Variants in SPATA9 observed in about 807,000 individuals in gnomAD.
SPATA9 encodes spermatogenesis-associated protein 9.
In SPATA9, 27 loss-of-function variants were observed where a neutral mutation model predicts 25.5. The ratio of observed to expected loss-of-function variants is 1.06; its 90% CI spans 0.78 to 1.46. The LOEUF (loss-of-function observed/expected upper bound fraction) is 1.46, where lower values mean the gene tolerates loss of function less well. SPATA9 is among the 40% of genes most tolerant of loss of function. SPATA9 has a pLI of 0.00. For missense variants in SPATA9, 282 were observed against 297.5 expected (o/e 0.95, Z 0.38); for synonymous variants, 102 against 105.7 (o/e 0.97, Z 0.21).
the SPATA9 span, among the ~76,000 whole-genome samples, chr5:95,722,281 T>G: frequency 1.3e-5 from 2 of 152,014 alleles, no homozygotes. Flanking sequence ...CTGAACAAAA[T>G]CTATTTTTTA....
the SPATA9 span, among the ~76,000 whole-genome samples, chr5:95,724,578 C>T: frequency 6.6e-6 from 1 of 152,160 alleles, no homozygotes; most frequent in East Asian, 1.9e-4. Context: ...CCCAGCTCCT[C>T]TACTCCCTAC....
chr5:95,656,176 G>T (rs538142896), downstream of SPATA9: 1 of 1,614,034 alleles, frequency 6.2e-7, no homozygotes, highest in South Asian at 1.1e-5. Flanking sequence ...TGCTCCAAAG[G>T]AATAAAGCAA....
chr5:95,712,813 C>T, the SPATA9 span, among the ~76,000 whole-genome samples: 1 of 152,192 alleles, frequency 6.6e-6, no homozygotes, highest in Non-Finnish European at 1.5e-5. Context: ...TTTTAAGCCC[C>T]TAAACTTTAG....
chr5:95,700,888 A>G (rs1253016327), upstream of SPATA9, among the ~76,000 whole-genome samples: 1 of 152,126 alleles, frequency 6.6e-6, no homozygotes, highest in Non-Finnish European at 1.5e-5. Context: ...GATTCATATA[A>G]TTTTCATCTT....
At chr5:95,700,722 C>A (rs1301992644), upstream of SPATA9, among the ~76,000 whole-genome samples, 1 of 152,094 alleles carries the variant, frequency 6.6e-6, no homozygotes, top group East Asian at 1.9e-4. Context: ...GCACTGTGCC[C>A]GGCCCCAATA....
chr5:95,716,328 C>T, the SPATA9 span, among the ~76,000 whole-genome samples: 1 of 152,258 alleles, frequency 6.6e-6, no homozygotes. Flanking sequence ...TGCCCAATGC[C>T]ATGGGAGCCC....
At chr5:95,712,486 C>T in the SPATA9 span, among the ~76,000 whole-genome samples, 29 of 152,174 alleles carry the variant, frequency 1.9e-4, no homozygotes, top group Admixed American at 3.9e-4. Flanking sequence ...CCCTGAGCCA[C>T]CATGTAAGAT....
chr5:95,657,675 C>T (rs1750843232), downstream of SPATA9: 1 of 152,116 alleles, frequency 6.6e-6, no homozygotes, highest in South Asian at 2.1e-4. Context: ...CATATTATTA[C>T]ACTTCCTTTT....
the SPATA9 span, among the ~76,000 whole-genome samples, chr5:95,727,760 T>C: frequency 3.3e-5 from 5 of 152,360 alleles, no homozygotes; most frequent in East Asian, 9.6e-4. Context: ...AAAAGATCTT[T>C]AGGATATCAG....
the SPATA9 span, among the ~76,000 whole-genome samples, chr5:95,721,909 G>C: frequency 6.6e-6 from 1 of 152,126 alleles, no homozygotes; most frequent in African/African-American, 2.4e-5. Context: ...AATGGCATTA[G>C]CAGGGCTTTT....
At chr5:95,652,580 A>C, downstream of SPATA9, 1 of 385,360 alleles carries the variant, frequency 2.6e-6, no homozygotes, top group East Asian at 4.1e-5. Context: ...CAAACCTAAA[A>C]CTTGGGAGTC....
Position 95,658,516 on chromosome 5 carries a change from T to TTTTTTTTTTTTTTTTTTTTTGAG in SPATA9, c.*106_*107insCTCAAAAAAAAAAAAAAAAAAAA, listed in dbSNP as rs1432821181. On this transcript the variant is annotated 3_prime_UTR_variant, in exon 5 of 5. Coordinates refer to ENST00000274432, the MANE Select transcript of SPATA9 (RefSeq NM_031952.4). ...AATAGTAGCCCCCTTCTCTTTTTTTTAAGAAAGCAGAGCAATTCAGAATAT... is the reference window on the plus strand; with the variant it reads ...AATAGTAGCCCCCTTCTCTTTTTTTTTTTTTTTTTTTTTTTTTTTTGAGAAGAAAGCAGAGCAATTCAGAATAT... 7.1e-7 allele frequency: 1 copy of TTTTTTTTTTTTTTTTTTTTTGAG among 1,410,630 alleles called. No homozygotes were observed. The highest frequency in any genetic ancestry group is 1.5e-5 in the African/African-American group (1 of 68,776). 87.4% of individuals were successfully genotyped at this position (1,410,630 alleles called of 1,614,324 possible). A position where few individuals can be genotyped will look rare whatever the true frequency, so the allele number is the denominator to read the frequency against.
At chr5:95,658,084 A>C, downstream of SPATA9, 1 of 152,202 alleles carries the variant, frequency 6.6e-6, no homozygotes, top group East Asian at 1.9e-4. Flanking sequence ...CTGTCTTCAT[A>C]TACAGAAATC....
At chr5:95,659,295 T>G (rs59387574) in intron 4 of SPATA9, 10,019 of 171,278 alleles carry the variant, frequency 0.058, 464 homozygotes, top group African/African-American at 0.14. Flanking sequence ...TTCTTCCCCC[T>G]AGACTTTGCT....
At chr5:95,675,730 A>G (rs1752869270) in intron 2 of SPATA9, 91 bp from the exon 3 acceptor site, 1 of 989,136 alleles carries the variant, frequency 1.0e-6, no homozygotes, top group Non-Finnish European at 1.5e-6. Context: ...CTATATAACT[A>G]CATTGTGCAT....
chr5:95,693,703 G>A (rs1220529411), intron 1 of SPATA9, among the ~76,000 whole-genome samples: 2 of 152,062 alleles, frequency 1.3e-5, no homozygotes, highest in Non-Finnish European at 2.9e-5. Context: ...TTAAAAAATA[G>A]GTCTTATTTT....
chr5:95,731,499 G>A, the SPATA9 span: 4 of 1,244,956 alleles, frequency 3.2e-6, no homozygotes, highest in Admixed American at 1.3e-4. Context: ...CCTGGTCCCC[G>A]GCTCGCTCGC....
intron 1 of SPATA9, among the ~76,000 whole-genome samples, chr5:95,689,801 G>C (rs1423257983): frequency 6.6e-6 from 1 of 151,912 alleles, no homozygotes; most frequent in Non-Finnish European, 1.5e-5. Context: ...AACACAATGA[G>C]GTACCAGATA....
chr5:95,704,892 C>G, the SPATA9 span, among the ~76,000 whole-genome samples: 2 of 151,824 alleles, frequency 1.3e-5, no homozygotes, highest in African/African-American at 4.8e-5. Flanking sequence ...GAGAGTGTAC[C>G]CTTCAAACTT....
Sources: allele counts gnomAD v4.1 joint callset (sites outside exome capture counted in the v4.1 genomes callset), GRCh38; gene constraint gnomAD v4.1.1; transcripts MANE v1.5; gene names NCBI Gene and HGNC (gene_info 2026-07-23, HGNC 2026-07-21).